Variants in SNTG1 observed in about 807,000 individuals in gnomAD.
SNTG1 encodes syntrophin gamma 1.
Under a neutral mutation model 74.7 loss-of-function variants are expected in SNTG1, and 39 were observed. The observed-to-expected ratio is 0.52, with a 90% CI of 0.40 to 0.68. SNTG1 has a LOEUF of 0.68. Among genes scored for constraint, SNTG1 ranks in the 30% least tolerant of loss-of-function variants. SNTG1 has a pLI of 0.00. For missense variants in SNTG1, 685 were observed against 609.5 expected, an observed-to-expected ratio of 1.12 and a Z score of -1.30; for synonymous variants, 254 against 217.1, an observed-to-expected ratio of 1.17 and a Z score of -1.49.
At chr8:50,487,991 G>T in intron 8 of SNTG1, among the ~76,000 whole-genome samples, 1 of 152,098 alleles carries the variant, frequency 6.6e-6, no homozygotes, top group East Asian at 1.9e-4. Flanking sequence ...CTATGCTTCT[G>T]GATCTCAAAA....
chr8:50,737,801 AC>A (rs2095532700), intron 17 of SNTG1, among the ~76,000 whole-genome samples: 3 of 152,130 alleles, frequency 2.0e-5, no homozygotes, highest in African/African-American at 7.2e-5. Context: ...AGAACCAATT[AC>A]AAAAATCACA....
intron 13 of SNTG1, among the ~76,000 whole-genome samples, chr8:50,599,045 C>A (rs982379086): frequency 1.3e-5 from 2 of 151,980 alleles, no homozygotes; most frequent in African/African-American, 4.8e-5. Flanking sequence ...GCATGCAATG[C>A]ATAATAATCA....
At chr8:50,564,416 C>T (rs371123425) in intron 12 of SNTG1, among the ~76,000 whole-genome samples, 2 of 152,092 alleles carry the variant, frequency 1.3e-5, no homozygotes, top group South Asian at 2.1e-4. Context: ...TTTCACATTA[C>T]CTGATATTGC....
intron 12 of SNTG1, among the ~76,000 whole-genome samples, chr8:50,584,985 A>G (rs1270954641): frequency 6.6e-6 from 1 of 152,170 alleles, no homozygotes; most frequent in Non-Finnish European, 1.5e-5. Flanking sequence ...AGGAAGCCTG[A>G]GGCCAGTATT....
Position 50,536,678 on chromosome 8 carries a change from G to C in SNTG1, c.550G>C (p.Asp184His), listed in dbSNP as rs1361860886. 3.7e-6 allele frequency: 6 copies of C among 1,613,238 alleles called. No individual in the cohort carries two copies. In the South Asian group the frequency reaches 6.6e-5, roughly 18 times the overall value. ...LHLNYHPNNTDTLSCSSWPTS... is the reference protein window; with the variant it reads ...LHLNYHPNNTHTLSCSSWPTS... ...CGTTGAATATTTATCTTCCTTTCAG[G>C]ACACATTATCATGCTCGTCGTGGCC... Residue 184 changes from aspartate (D) to histidine (H), a missense_variant and splice_region_variant, in exon 11 of 19, where the codon GAC becomes CAC. Transcript: ENST00000642720.
At chr8:50,574,497 A>G (rs1360092773) in intron 12 of SNTG1, among the ~76,000 whole-genome samples, 1 of 152,114 alleles carries the variant, frequency 6.6e-6, no homozygotes, top group Non-Finnish European at 1.5e-5. Context: ...ATGGCTCATG[A>G]GTGTAATATT....
At chr8:49,987,912 T>C (rs1332446992) in intron 1 of SNTG1, among the ~76,000 whole-genome samples, 2 of 152,054 alleles carry the variant, frequency 1.3e-5, no homozygotes, top group Non-Finnish European at 2.9e-5. Context: ...CCTCCCAAAG[T>C]TAAATTAACC....
chr8:50,523,751 G>A (rs1372143423), intron 9 of SNTG1, among the ~76,000 whole-genome samples: 1 of 152,138 alleles, frequency 6.6e-6, no homozygotes, highest in Non-Finnish European at 1.5e-5. Flanking sequence ...TTACCAAAAT[G>A]TGATGCAGAG....
intron 9 of SNTG1, among the ~76,000 whole-genome samples, chr8:50,524,226 A>T (rs984814019): frequency 1.3e-5 from 2 of 152,086 alleles, no homozygotes; most frequent in South Asian, 2.1e-4. Context: ...CAGTACACAG[A>T]TCTTACTTCT....
intron 2 of SNTG1, among the ~76,000 whole-genome samples, chr8:50,298,910 T>G (rs908661188): frequency 1.3e-5 from 2 of 152,188 alleles, no homozygotes; most frequent in African/African-American, 4.8e-5. Flanking sequence ...AAAATTGATC[T>G]TGTAGCAACA....
chr8:50,506,332 G>A (rs1332733667), intron 9 of SNTG1, among the ~76,000 whole-genome samples: 4 of 151,960 alleles, frequency 2.6e-5, no homozygotes, highest in African/African-American at 4.8e-5. Context: ...TTCAGAATTC[G>A]TTGAGGTTTT....
At chr8:50,675,078 C>T (rs775139208) in intron 15 of SNTG1, among the ~76,000 whole-genome samples, 1 of 152,036 alleles carries the variant, frequency 6.6e-6, no homozygotes, top group Non-Finnish European at 1.5e-5. Flanking sequence ...GAGTGTCTTA[C>T]TTCCACTTAT....
intron 9 of SNTG1, among the ~76,000 whole-genome samples, chr8:50,518,587 A>C (rs2094153319): frequency 6.6e-6 from 1 of 152,282 alleles, no homozygotes; most frequent in African/African-American, 2.4e-5. Flanking sequence ...AGAGAGAAGA[A>C]TCAAATAGAC....
chr8:50,512,054 TG>T (rs1402594609), intron 9 of SNTG1, among the ~76,000 whole-genome samples: 4 of 152,098 alleles, frequency 2.6e-5, no homozygotes, highest in African/African-American at 9.7e-5. Context: ...TGGCTGGTAC[TG>T]GTTTTTCCTT....
At position 49,911,763 on chromosome 8, in the gene SNTG1, C is replaced by CGCCGCCGCTGTCCTT. The variant is rs1184887275; in HGVS notation, c.-564_-550dup. ...AGCCACAGGGACGGAACTACGCTGC[C>CGCCGCCGCTGTCCTT]GCCGCCGCTGTCCTTGCCGCCACTG... On this transcript the variant is annotated 5_prime_UTR_variant, in exon 1 of 19. Transcript: ENST00000642720. 6.6e-6 allele frequency: 1 copy of CGCCGCCGCTGTCCTT among 152,180 alleles called. No individual in the cohort carries two copies. Among genetic ancestry groups the CGCCGCCGCTGTCCTT allele is most frequent in the Non-Finnish European group, 1.5e-5 (1 of 68,054 alleles). The allele number at this position is 152,180 out of a possible 1,614,324, so 9.4% of individuals were successfully genotyped here. A position where few individuals can be genotyped will look rare whatever the true frequency, so the allele number is the denominator to read the frequency against.
At chr8:50,078,937 A>C (rs1008314255) in intron 1 of SNTG1, among the ~76,000 whole-genome samples, 1 of 152,076 alleles carries the variant, frequency 6.6e-6, no homozygotes, top group African/African-American at 2.4e-5. Flanking sequence ...TATGTGCCAC[A>C]TTTCTTTATC....
intron 2 of SNTG1, among the ~76,000 whole-genome samples, chr8:50,294,790 A>G (rs939829613): frequency 1.3e-5 from 2 of 152,220 alleles, no homozygotes; most frequent in African/African-American, 4.8e-5. Context: ...AAAATTAAGC[A>G]TCATAATACT....
At chr8:50,053,623 T>TTGTGTGTATG (rs1554560599) in intron 1 of SNTG1, among the ~76,000 whole-genome samples, 5 of 134,430 alleles carry the variant, frequency 3.7e-5, no homozygotes, top group Non-Finnish European at 6.2e-5. Flanking sequence ...ATATATATAA[T>TTGTGTGTATG]TGTGTGTGTG....
rs1554576692 is a variant in SNTG1, at chr8:50,568,227, TTG to T, written c.810+15073_810+15074del. 1.5e-4 allele frequency among the ~76,000 whole-genome samples: 22 copies of T among 146,378 alleles called. No individual in the cohort carries two copies. In the East Asian group the frequency reaches 2.4e-3, roughly 16 times the overall value. ...CTGAATAGTATTCCATTGTCCATGTTTGTGTGTGTGTGTGTGTGTGTGTGTGC... is the reference window on the plus strand; with the variant it reads ...CTGAATAGTATTCCATTGTCCATGTTTGTGTGTGTGTGTGTGTGTGTGTGC... On this transcript the variant is annotated intron_variant, in intron 12 of 18. Transcript: ENST00000642720.
Sources: allele counts gnomAD v4.1 joint callset (sites outside exome capture counted in the v4.1 genomes callset), GRCh38; gene constraint gnomAD v4.1.1; transcripts MANE v1.5; gene names NCBI Gene and HGNC (gene_info 2026-07-23, HGNC 2026-07-21).